The following HMGXB4 variants were observed in gnomAD, a reference collection of about 807,000 sequenced individuals.
HMGXB4 encodes HMG-box containing 4.
Under a neutral mutation model 63.9 loss-of-function variants are expected in HMGXB4, and 27 were observed. That is an observed-to-expected ratio of 0.42 (90% CI 0.31 to 0.58). The LOEUF (loss-of-function observed/expected upper bound fraction) is 0.58, where lower values mean the gene tolerates loss of function less well. Among genes scored for constraint, HMGXB4 ranks in the 20% least tolerant of loss-of-function variants. The pLI is 0.13. For synonymous variants in HMGXB4, 264 were observed against 265.3 expected (o/e 0.99, Z 0.05); for missense variants, 624 against 700.7 (o/e 0.89, Z 1.24).
intron 3 of HMGXB4, among the ~76,000 whole-genome samples, 182 bp downstream of exon 3, chr22:35,263,408 C>T (rs1005350954): frequency 2.0e-5 from 3 of 151,800 alleles, no homozygotes; most frequent in Non-Finnish European, 4.4e-5. Flanking sequence ...CTCAGCCTCC[C>T]GAGTAGCTGG....
the HMGXB4 span, chr22:35,249,679 A>G: frequency 1.0e-5 from 1 of 97,618 alleles, no homozygotes; most frequent in African/African-American, 2.6e-5. Flanking sequence ...ATATGTATTC[A>G]CTCTGGGTGG....
At chr22:35,263,358 A>G (rs1045694398) in intron 3 of HMGXB4, 132 bp downstream of exon 3, 8 of 707,522 alleles carry the variant, frequency 1.1e-5, no homozygotes, top group Middle Eastern at 4.1e-4. Flanking sequence ...ATCTCTGCTC[A>G]CTGCAACCTT....
intron 5 of HMGXB4, among the ~76,000 whole-genome samples, chr22:35,282,404 T>C (rs908799693): frequency 2.6e-5 from 4 of 152,172 alleles, no homozygotes; most frequent in Admixed American, 1.3e-4. Flanking sequence ...CCTCGTGATC[T>C]GCCCGCCTTG....
chr22:35,270,928 A>T (rs916079936), intron 5 of HMGXB4, among the ~76,000 whole-genome samples: 1 of 152,086 alleles, frequency 6.6e-6, no homozygotes, highest in African/African-American at 2.4e-5. Flanking sequence ...TTAAAAATAT[A>T]TTTTCCTGGG....
rs1601645621 is a variant in HMGXB4, at chr22:35,290,754, C to T, written c.1639-2238C>T. Among the ~76,000 whole-genome samples, 3 of 151,892 alleles carry T rather than the reference C, an allele frequency of 2.0e-5. No homozygotes were observed. In the South Asian group the frequency reaches 6.2e-4, roughly 32 times the overall value. On this transcript the variant is annotated intron_variant, in intron 9 of 10. Transcript: ENST00000216106. ...TAGATCTCTGCAATTTTATAATTTC[C>T]ACATACCACTTAATACTTTTACTTA... is the stretch of plus-strand genomic sequence containing the variant.
At chr22:35,255,015 C>T (rs190448303), upstream of HMGXB4, among the ~76,000 whole-genome samples, 7 of 152,252 alleles carry the variant, frequency 4.6e-5, no homozygotes, top group Admixed American at 6.5e-5. Context: ...CTGACAGCAA[C>T]CCTTGATTTT....
the HMGXB4 span, among the ~76,000 whole-genome samples, chr22:35,252,422 G>A: frequency 6.6e-6 from 1 of 152,120 alleles, no homozygotes; most frequent in Non-Finnish European, 1.5e-5. Context: ...CTGTTTCTAT[G>A]AGCTTGACTA....
At chr22:35,290,579 C>T (rs912352688) in intron 9 of HMGXB4, among the ~76,000 whole-genome samples, 6 of 143,240 alleles carry the variant, frequency 4.2e-5, no homozygotes, top group East Asian at 2.1e-4. Context: ...TGCAGTGAGC[C>T]GAGATTGCGC....
intron 9 of HMGXB4, among the ~76,000 whole-genome samples, chr22:35,289,918 T>C (rs899622613): frequency 2.0e-5 from 3 of 152,212 alleles, no homozygotes; most frequent in Admixed American, 2.0e-4. Context: ...AGCTAAGAAA[T>C]TAGTGTAGGA....
chr22:35,262,247 G>A, intron 1 of HMGXB4, 76 bp from the exon 2 acceptor site: 1 of 790,632 alleles, frequency 1.3e-6, no homozygotes, highest in Non-Finnish European at 2.2e-6. Flanking sequence ...TTGGATCACT[G>A]CGCATTTCCA....
rs1433158681 is a variant in HMGXB4 at position 35,265,317 on chromosome 22, A to C, written c.929A>C (p.Asp310Ala). Residue 310 changes from aspartate (D) to alanine (A), a missense_variant, in exon 5 of 11, where the codon GAT becomes GCT. By Grantham distance (126) the Asp-to-Ala change is moderately radical. Around this residue, in one of 2 missense-constraint regions of HMGXB4, gnomAD observed 472 missense variants for 470.6 expected, o/e 1.00. Coordinates refer to ENST00000216106, the MANE Select transcript of HMGXB4 (RefSeq NM_001003681.3). ...CTAGAGGCTGGGGAGTTAGTGATAG[A>C]TGATTCTTACCGAGAAATCAAGAAG... ...GELEAGELVI[D>A]DSYREIKKKK... 2.0e-5 allele frequency: 32 copies of C among 1,613,926 alleles called. No individual in the cohort carries two copies. Among genetic ancestry groups the C allele is most frequent in the Non-Finnish European group, 2.6e-5 (31 of 1,180,016 alleles).
intron 7 of HMGXB4, among the ~76,000 whole-genome samples, chr22:35,286,538 T>A (rs887461861): frequency 1.5e-4 from 23 of 152,148 alleles, no homozygotes; most frequent in African/African-American, 4.1e-4. Flanking sequence ...ATCAAGAAGG[T>A]AGTAAGACAC....
chr22:35,276,130 T>C (rs1370196060), intron 5 of HMGXB4, among the ~76,000 whole-genome samples: 1 of 152,212 alleles, frequency 6.6e-6, no homozygotes, highest in Non-Finnish European at 1.5e-5. Context: ...AATCTGAACT[T>C]TAGGTCCACA....
rs1922961150 is a variant in HMGXB4, at chr22:35,263,058, A to G, written c.32-20A>G. 1 of 1,611,672 alleles carries G rather than the reference A, an allele frequency of 6.2e-7. No homozygotes were observed. Among genetic ancestry groups the G allele is most frequent in the Non-Finnish European group, 8.5e-7 (1 of 1,179,240 alleles). On this transcript the variant is annotated intron_variant, in intron 2 of 10. Transcript: ENST00000216106. ...CTTGACTTTCTCATTTCCTTTCCCA[A>G]ATAAACCTGTGCTTCTCAGATTGTT... is the stretch of plus-strand genomic sequence containing the variant.
At chr22:35,275,682 G>A (rs578205645) in intron 5 of HMGXB4, among the ~76,000 whole-genome samples, 1 of 152,224 alleles carries the variant, frequency 6.6e-6, no homozygotes, top group East Asian at 1.9e-4. Flanking sequence ...CAAGGCTTCA[G>A]TGAGTCGTAA....
At chr22:35,259,596 C>T (rs1272419276) in intron 1 of HMGXB4, among the ~76,000 whole-genome samples, 1 of 152,182 alleles carries the variant, frequency 6.6e-6, no homozygotes, top group African/African-American at 2.4e-5. Flanking sequence ...CACACTGTTG[C>T]TTGAGATTTA....
At chr22:35,288,540 G>C (rs5750093) in intron 9 of HMGXB4, 133 bp downstream of exon 9, 473,689 of 528,968 alleles carry the variant, frequency 0.9, 212,571 homozygotes, top group East Asian at 1. Flanking sequence ...TCTCAGGATG[G>C]CGTAACATAG....
At chr22:35,280,640 T>G (rs1266789441) in intron 5 of HMGXB4, among the ~76,000 whole-genome samples, 1 of 152,216 alleles carries the variant, frequency 6.6e-6, no homozygotes, top group Non-Finnish European at 1.5e-5. Context: ...ACTATATAAC[T>G]TCCTGCTTAA....
rs145548520 is a variant in HMGXB4 at position 35,294,601 on chromosome 22, A to T, written c.*950A>T. On this transcript the variant is annotated 3_prime_UTR_variant, in exon 11 of 11. Transcript: ENST00000216106. ...CCACATGTAAGTGAATTGCAAAAACAAAACAAAACTCACTCTCTTGTAGGT... is the reference window on the plus strand; with the variant it reads ...CCACATGTAAGTGAATTGCAAAAACTAAACAAAACTCACTCTCTTGTAGGT... 5.9e-5 allele frequency: 9 copies of T among 152,778 alleles called. No individual in the cohort carries two copies. Among genetic ancestry groups the T allele is most frequent in the African/African-American group, 2.2e-4 (9 of 41,586 alleles). The allele number at this position is 152,778 out of a possible 1,614,324, so 9.5% of individuals were successfully genotyped here.
Sources: allele counts gnomAD v4.1 joint callset (sites outside exome capture counted in the v4.1 genomes callset), GRCh38; gene constraint gnomAD v4.1.1; regional missense constraint gnomAD v4.1.1; transcripts MANE v1.5; gene names NCBI Gene and HGNC (gene_info 2026-07-23, HGNC 2026-07-21).